INTS12: variants seen among roughly 807,000 people sequenced by gnomAD.
The protein encoded by INTS12 is integrator complex subunit 12, also known as PHD finger protein 22.
Under a neutral mutation model 41.6 loss-of-function variants are expected in INTS12, and 13 were observed. The ratio of observed to expected loss-of-function variants is 0.31; its 90% CI spans 0.20 to 0.50. The LOEUF (loss-of-function observed/expected upper bound fraction) is 0.50, where lower values mean the gene tolerates loss of function less well. Ranked by LOEUF, INTS12 falls within the 20% of genes least tolerant of loss-of-function variation. The pLI is 0.98. For synonymous variants in INTS12, 199 were observed against 191.4 expected (o/e 1.04, Z -0.33); for missense variants, 432 against 541.6 (o/e 0.80, Z 2.01).
Position 105,693,480 on chromosome 4 carries a change from A to G in INTS12, c.316T>C (p.Ser106Pro). 6.2e-7 allele frequency: 1 copy of G among 1,607,598 alleles called. No individual in the cohort carries two copies. Among genetic ancestry groups the G allele is most frequent in the Non-Finnish European group, 8.5e-7 (1 of 1,174,848 alleles). ...ATATCAACTCCTTCAGTGATGTCTG[A>G]TTTCATCTATAAAAAGCAGGCATCA... ...AEKRPADKMK[S>P]DITEGVDIPK... is the part of the protein sequence containing the mutation. The change falls in exon 5 of 8, where the codon TCA (serine) becomes CCA (proline). Residue 106 changes from serine (S) to proline (P), a missense_variant. By Grantham distance (74) the Ser-to-Pro change is moderately conservative (BLOSUM62 -1). Coordinates refer to ENST00000340139, the MANE Select transcript of INTS12 (RefSeq NM_020395.4).
chr4:105,703,154 G>T, intron 2 of INTS12: 1 of 273,500 alleles, frequency 3.7e-6, no homozygotes, highest in Non-Finnish European at 5.6e-6. Flanking sequence ...TTCTTACTAT[G>T]GATTAGAGTT....
At chr4:105,687,186 TG>T (rs1278056855) in intron 6 of INTS12, 2 of 243,460 alleles carry the variant, frequency 8.2e-6, no homozygotes, top group African/African-American at 4.7e-5. Flanking sequence ...TATTTCTCAT[TG>T]GGGTTTGTCA....
At chr4:105,691,338 TC>T (rs1444600288) in intron 6 of INTS12, among the ~76,000 whole-genome samples, 3 of 152,244 alleles carry the variant, frequency 2.0e-5, no homozygotes, top group African/African-American at 7.2e-5. Context: ...TTATCATTTA[TC>T]TATTTTATAA....
At chr4:105,702,479 T>A (rs544399121) in intron 2 of INTS12, among the ~76,000 whole-genome samples, 35 of 152,328 alleles carry the variant, frequency 2.3e-4, no homozygotes, top group Non-Finnish European at 1.5e-4. Flanking sequence ...TCTATTCATA[T>A]ACAGAGTGAT....
chr4:105,689,616 C>CA lies in INTS12; in HGVS notation c.657+2359dup, dbSNP rs1560774844. Among the ~76,000 whole-genome samples, 5 of 152,204 alleles carry CA rather than the reference C, an allele frequency of 3.3e-5. No homozygotes were observed. In the South Asian group the frequency reaches 1.0e-3, roughly 32 times the overall value. On this transcript the variant is annotated intron_variant, in intron 6 of 7. Transcript: ENST00000340139. ...ACTGTTGATTTCTGGTACTAATCTG[C>CA]ATTTAGCCTGGCATGGTGGCTCATG...
intron 6 of INTS12, among the ~76,000 whole-genome samples, chr4:105,690,557 A>G (rs536498740): frequency 9.3e-4 from 141 of 152,218 alleles, no homozygotes; most frequent in Non-Finnish European, 1.9e-3. Flanking sequence ...CAGAAAAAAA[A>G]AACTGGATAA....
At chr4:105,691,941 A>G in intron 6 of INTS12, 35 bp downstream of exon 6, 3 of 1,450,034 alleles carry the variant, frequency 2.1e-6, no homozygotes, top group Non-Finnish European at 2.8e-6. Context: ...AAACATTGAC[A>G]GACTGTTTAA....
chr4:105,692,653 T>C (rs1402026194), intron 5 of INTS12, among the ~76,000 whole-genome samples: 2 of 152,104 alleles, frequency 1.3e-5, no homozygotes, highest in South Asian at 2.1e-4. Context: ...AATAAATATA[T>C]AGAATGCCTT....
chr4:105,708,478 G>A (rs762867968), intron 1 of INTS12, 160 bp downstream of exon 1: 4 of 985,236 alleles, frequency 4.1e-6, no homozygotes, highest in Non-Finnish European at 4.8e-6. Context: ...ACTGAAAGGG[G>A]AGAGCAGTCA....
chr4:105,695,726 A>AATT, intron 3 of INTS12, 58 bp from the exon 4 acceptor site: 1 of 1,337,894 alleles, frequency 7.5e-7, no homozygotes. Context: ...TCATAAAAAA[A>AATT]GATCATTAAT....
intron 1 of INTS12, chr4:105,708,433 C>CG (rs1368056956): frequency 1.0e-6 from 1 of 985,336 alleles, no homozygotes; most frequent in Non-Finnish European, 1.2e-6. Context: ...CCGCATGTCC[C>CG]GGCCCGCAAC....
chr4:105,693,438 A>G lies in INTS12; in HGVS notation c.358T>C (p.Leu120=), dbSNP rs779840192. ...GATGACTGTGTTTCTGGTTTCTCCA[A>G]TCTAGGTTTCTTTGGAATATCAACT... is the stretch of plus-strand genomic sequence containing the variant. ...EGVDIPKKPR[L]EKPETQSSPI... is the part of the protein sequence containing the mutation. Residue 120 remains leucine, a synonymous_variant, in exon 5 of 8, where the codon TTG becomes CTG. Coordinates refer to ENST00000340139, the MANE Select transcript of INTS12 (RefSeq NM_020395.4). 46 of 1,613,604 alleles carry G rather than the reference A, an allele frequency of 2.9e-5. No homozygotes were observed. The highest frequency in any genetic ancestry group is 1.1e-5 in the South Asian group (1 of 91,030).
chr4:105,689,982 A>G (rs1560775041), intron 6 of INTS12, among the ~76,000 whole-genome samples: 1 of 152,234 alleles, frequency 6.6e-6, no homozygotes, highest in Non-Finnish European at 1.5e-5. Flanking sequence ...TCCAGTCTTG[A>G]GCTCTGCTTA....
chr4:105,691,780 G>A (rs1731695017), intron 6 of INTS12, among the ~76,000 whole-genome samples, 196 bp downstream of exon 6: 2 of 152,026 alleles, frequency 1.3e-5, no homozygotes, highest in African/African-American at 4.8e-5. Context: ...ACTAAAAAGA[G>A]AAAAATGCAC....
At chr4:105,690,263 A>C (rs538237120) in intron 6 of INTS12, among the ~76,000 whole-genome samples, 4 of 152,346 alleles carry the variant, frequency 2.6e-5, no homozygotes, top group Non-Finnish European at 5.9e-5. Flanking sequence ...CATCCTAATG[A>C]GTATAATCTC....
chr4:105,706,326 C>T (rs922255310), intron 1 of INTS12: 1 of 146,502 alleles, frequency 6.8e-6, no homozygotes, highest in African/African-American at 2.6e-5. Flanking sequence ...GAGATCATGG[C>T]TCACTGCAGC....
intron 2 of INTS12, among the ~76,000 whole-genome samples, chr4:105,702,198 T>C (rs1302503668): frequency 1.4e-5 from 2 of 146,346 alleles, no homozygotes; most frequent in Admixed American, 7.0e-5. Context: ...TGCAGTGGCA[T>C]GATCTCGGCT....
At chr4:105,690,098 C>G (rs1416373689) in intron 6 of INTS12, among the ~76,000 whole-genome samples, 1 of 152,094 alleles carries the variant, frequency 6.6e-6, no homozygotes, top group Non-Finnish European at 1.5e-5. Flanking sequence ...AGCTGAGAAG[C>G]AGAAAATATG....
At chr4:105,702,832 TA>T in intron 2 of INTS12, 3 of 949,948 alleles carry the variant, frequency 3.2e-6, no homozygotes, top group Non-Finnish European at 3.8e-6. Context: ...GAACCTAAAA[TA>T]AAACACTTAT....
Sources: gnomAD v4.1 joint callset for allele counts (sites outside exome capture counted in the v4.1 genomes callset) on GRCh38, gnomAD v4.1.1 for gene constraint, MANE v1.5 for transcripts, NCBI Gene and HGNC (gene_info 2026-07-23, HGNC 2026-07-21) for gene names.